Variants in CD86 observed in about 807,000 individuals in gnomAD.
The protein encoded by CD86 is T-lymphocyte activation antigen CD86.
CD86 carries 11 observed loss-of-function variants against 32.1 expected under a neutral mutation model. The ratio of observed to expected loss-of-function variants is 0.34; its 90% CI spans 0.22 to 0.57. The LOEUF (loss-of-function observed/expected upper bound fraction) is 0.57, where lower values mean the gene tolerates loss of function less well. Among genes scored for constraint, CD86 ranks in the 20% least tolerant of loss-of-function variants. CD86 has a pLI of 0.86. For synonymous variants in CD86, 137 were observed against 135.3 expected, an observed-to-expected ratio of 1.01 and a Z score of -0.09; for missense variants, 359 against 398.4, an observed-to-expected ratio of 0.90 and a Z score of 0.84.
At chr3:122,107,303 A>G (rs374460459) in intron 4 of CD86, among the ~76,000 whole-genome samples, 26 of 152,296 alleles carry the variant, frequency 1.7e-4, no homozygotes, top group Admixed American at 2.6e-4. Flanking sequence ...AATTTGAGAC[A>G]GTATCTGGGC....
intron 1 of CD86, among the ~76,000 whole-genome samples, chr3:122,064,004 C>T (rs1180469164): frequency 2.6e-5 from 4 of 151,990 alleles, no homozygotes; most frequent in African/African-American, 9.7e-5. Context: ...CAGGAGCTGC[C>T]CAACAACTCC....
chr3:122,105,997 T>A (rs757425832), intron 3 of CD86, among the ~76,000 whole-genome samples: 69 of 152,142 alleles, frequency 4.5e-4, no homozygotes, highest in Non-Finnish European at 1.0e-4. Flanking sequence ...GAAGTAAGCA[T>A]GGCTGCAAAC....
At chr3:122,101,333 T>C (rs2072995885) in intron 2 of CD86, among the ~76,000 whole-genome samples, 3 of 151,600 alleles carry the variant, frequency 2.0e-5, no homozygotes, top group African/African-American at 2.4e-5. Context: ...CATTGGTCCA[T>C]ACATCACACT....
chr3:122,077,018 T>A (rs2107512597), intron 1 of CD86, among the ~76,000 whole-genome samples: 1 of 152,294 alleles, frequency 6.6e-6, no homozygotes, highest in Admixed American at 6.5e-5. Flanking sequence ...TGTCACTTTG[T>A]CACTTTTAAT....
chr3:122,113,068 G>C (rs1397433824), intron 5 of CD86, among the ~76,000 whole-genome samples: 1 of 152,190 alleles, frequency 6.6e-6, no homozygotes, highest in Non-Finnish European at 1.5e-5. Flanking sequence ...CATCCTCATA[G>C]TTTAGCTCCC....
chr3:122,083,040 T>C (rs2072656293), intron 1 of CD86, among the ~76,000 whole-genome samples: 2 of 152,184 alleles, frequency 1.3e-5, no homozygotes, highest in African/African-American at 4.8e-5. Context: ...TCCTGTTAAT[T>C]ATAATTCTAA....
chr3:122,101,513 A>AATATATATATATATATATAT lies in CD86; in HGVS notation c.65-1990_65-1971dup, dbSNP rs58001956. On this transcript the variant is annotated intron_variant, in intron 2 of 6. Coordinates refer to ENST00000330540, the MANE Select transcript of CD86 (RefSeq NM_175862.5). ...CTCTACAGAAAAAAAAAAAAAAAAA[A>AATATATATATATATATATAT]ATATATATATATATATATATATATA... Among the ~76,000 whole-genome samples the AATATATATATATATATATAT allele has an allele frequency of 1.5e-4, 7 of 46,338 alleles. No individual in the cohort carries two copies. The South Asian group carries it at 2.2e-3, about 15-fold the overall frequency. 30.4% of individuals were successfully genotyped at this position (46,338 alleles called of 152,430 possible).
intron 1 of CD86, among the ~76,000 whole-genome samples, chr3:122,079,191 T>C (rs528337138): frequency 1.5e-4 from 23 of 152,336 alleles, no homozygotes; most frequent in African/African-American, 5.3e-4. Context: ...AATTGTTCTA[T>C]GTGACTATAT....
rs543030349 is a variant in CD86 at position 122,091,794 on chromosome 3, C to T, written c.64+144C>T. Reference sequence around the variant, plus strand: ...CAAGACCACATGCAAAAAAGACTTTCCTGGAGAAGAAGGAAGTGTTATGAT... The same window carrying T: ...CAAGACCACATGCAAAAAAGACTTTTCTGGAGAAGAAGGAAGTGTTATGAT... On this transcript the variant is annotated intron_variant, in intron 2 of 6. Transcript: ENST00000330540. 8.6e-5 allele frequency: 59 copies of T among 682,744 alleles called. No homozygotes were observed. The East Asian group carries it at 1.5e-3, about 17-fold the overall frequency. The allele number at this position is 682,744 out of a possible 1,614,324, so 42.3% of individuals were successfully genotyped here. A position where few individuals can be genotyped will look rare whatever the true frequency, so the allele number is the denominator to read the frequency against.
chr3:122,111,216 G>GTGCATACA (rs1408867310), intron 5 of CD86, among the ~76,000 whole-genome samples: 1 of 152,202 alleles, frequency 6.6e-6, no homozygotes, highest in Non-Finnish European at 1.5e-5. Context: ...ACTGTAGGGA[G>GTGCATACA]GGAGGTGCAA....
At chr3:122,096,417 T>G (rs2072909063) in intron 2 of CD86, among the ~76,000 whole-genome samples, 1 of 152,308 alleles carries the variant, frequency 6.6e-6, no homozygotes, top group Admixed American at 6.5e-5. Flanking sequence ...TCAAATATCT[T>G]TTTAAGTATC....
chr3:122,077,781 G>A (rs909675011), intron 1 of CD86: 41 of 985,326 alleles, frequency 4.2e-5, no homozygotes, highest in African/African-American at 1.0e-4. Flanking sequence ...CCCACCTGCC[G>A]GCAGAAGTTA....
intron 2 of CD86, among the ~76,000 whole-genome samples, chr3:122,094,920 C>G (rs1559907535): frequency 6.6e-6 from 1 of 152,218 alleles, no homozygotes; most frequent in Non-Finnish European, 1.5e-5. Flanking sequence ...AGAGGCACTT[C>G]TAACTTTCAA....
intron 1 of CD86, among the ~76,000 whole-genome samples, chr3:122,079,855 C>T (rs896081208): frequency 4.6e-5 from 7 of 152,248 alleles, no homozygotes; most frequent in Non-Finnish European, 7.4e-5. Context: ...TATTCATGGA[C>T]GGATATGATT....
chr3:122,070,947 GT>G (rs796641105), intron 1 of CD86, among the ~76,000 whole-genome samples: 4 of 150,964 alleles, frequency 2.6e-5, no homozygotes, highest in South Asian at 2.1e-4. Flanking sequence ...TAGCATGTGT[GT>G]TTTTTTTTAA....
chr3:122,098,618 A>G (rs972374926), intron 2 of CD86, among the ~76,000 whole-genome samples: 2 of 152,140 alleles, frequency 1.3e-5, no homozygotes, highest in African/African-American at 4.8e-5. Context: ...ATGTGATTGG[A>G]GCTGTATTTT....
chr3:122,117,129 G>A (rs1313624460), intron 5 of CD86, among the ~76,000 whole-genome samples: 4 of 152,076 alleles, frequency 2.6e-5, no homozygotes, highest in African/African-American at 4.8e-5. Flanking sequence ...GTTCTTTAGT[G>A]GTGATTTCTG....
chr3:122,073,773 G>A (rs940594641), intron 1 of CD86, among the ~76,000 whole-genome samples: 4 of 152,084 alleles, frequency 2.6e-5, no homozygotes, highest in Admixed American at 6.5e-5. Context: ...CTGTGTTTAC[G>A]GTGAAATCCT....
chr3:122,119,091 A>G (rs2073302007), intron 6 of CD86, among the ~76,000 whole-genome samples: 1 of 152,138 alleles, frequency 6.6e-6, no homozygotes, highest in Admixed American at 6.5e-5. Context: ...CAACAAAACT[A>G]ATAATTCCGG....
Sources: gnomAD v4.1 joint callset for allele counts (sites outside exome capture counted in the v4.1 genomes callset) on GRCh38, gnomAD v4.1.1 for gene constraint, MANE v1.5 for transcripts, NCBI Gene and HGNC (gene_info 2026-07-23, HGNC 2026-07-21) for gene names.